The following TACR3 variants were observed in gnomAD, a reference collection of about 807,000 sequenced individuals.
TACR3 encodes neuromedin-K receptor.
In TACR3, 34 loss-of-function variants were observed where a neutral mutation model predicts 35.0. The ratio of observed to expected loss-of-function variants is 0.97; its 90% CI spans 0.74 to 1.30. TACR3 has a LOEUF of 1.30. TACR3 is among the 50% of genes most tolerant of loss of function. The probability of loss-of-function intolerance (pLI) is 0.00; values close to 1 mark genes in which losing one functional copy is unlikely to be tolerated. For missense variants in TACR3, 558 were observed against 591.7 expected (o/e 0.94, Z 0.59); for synonymous variants, 233 against 221.1 (o/e 1.05, Z -0.48).
At chr4:103,631,829 G>T (rs1043009310) in intron 3 of TACR3, among the ~76,000 whole-genome samples, 2 of 152,148 alleles carry the variant, frequency 1.3e-5, no homozygotes, top group Admixed American at 1.3e-4. Context: ...GGTGAGTAAA[G>T]CACTGCTCTT....
chr4:103,604,791 C>G (rs1724307995), intron 3 of TACR3, among the ~76,000 whole-genome samples: 1 of 147,914 alleles, frequency 6.8e-6, no homozygotes. Flanking sequence ...AAAGAAAGCT[C>G]ATCATCACTG....
At chr4:103,620,965 T>A (rs558931208) in intron 3 of TACR3, among the ~76,000 whole-genome samples, 18 of 152,364 alleles carry the variant, frequency 1.2e-4, no homozygotes, top group African/African-American at 4.3e-4. Context: ...TCTTGAATTA[T>A]GTACCTTGTG....
At chr4:103,623,356 A>AAGAT (rs1430421692) in intron 3 of TACR3, among the ~76,000 whole-genome samples, 4 of 152,128 alleles carry the variant, frequency 2.6e-5, no homozygotes, top group Non-Finnish European at 4.4e-5. Context: ...AAATCATGCA[A>AAGAT]AGATAGACAC....
chr4:103,713,454 ACACAC>A (rs1242729991), intron 1 of TACR3, among the ~76,000 whole-genome samples: 5 of 116,390 alleles, frequency 4.3e-5, no homozygotes, highest in Non-Finnish European at 8.2e-5. Context: ...GGGGAACATC[ACACAC>A]TGGGGCCTGT....
At chr4:103,613,492 T>TC (rs1316904579) in intron 3 of TACR3, among the ~76,000 whole-genome samples, 2 of 152,026 alleles carry the variant, frequency 1.3e-5, no homozygotes, top group African/African-American at 4.8e-5. Context: ...GCTAATTTTT[T>TC]TTTTTTTTGT....
intron 3 of TACR3, among the ~76,000 whole-genome samples, chr4:103,593,687 A>G (rs904622760): frequency 3.9e-5 from 6 of 152,104 alleles, no homozygotes; most frequent in African/African-American, 1.4e-4. Flanking sequence ...TCTTCTAACC[A>G]TGATTCCCAG....
At chr4:103,635,549 C>CGTCAATG (rs1725168689) in intron 3 of TACR3, among the ~76,000 whole-genome samples, 1 of 151,932 alleles carries the variant, frequency 6.6e-6, no homozygotes, top group African/African-American at 2.4e-5. Flanking sequence ...ACTTGCTTAA[C>CGTCAATG]GTCAATGGTG....
Position 103,589,118 on chromosome 4 carries a change from A to AATCTTTAC in TACR3, c.*556_*563dup, listed in dbSNP as rs1401801232. 2.6e-5 allele frequency: 4 copies of AATCTTTAC among 152,300 alleles called. No homozygotes were observed. The highest frequency in any genetic ancestry group is 9.6e-5 in the African/African-American group (4 of 41,464). 9.4% of individuals were successfully genotyped at this position (152,300 alleles called of 1,614,324 possible). ...CATGGAAGAAATCTTTAAATCTTTA[A>AATCTTTAC]ATCTTTACATTCTACAAAATGAGTT... On this transcript the variant is annotated 3_prime_UTR_variant, in exon 5 of 5. Transcript: ENST00000304883.
intron 4 of TACR3, 138 bp from the exon 5 acceptor site, chr4:103,590,132 TTA>T: frequency 1.0e-6 from 1 of 999,968 alleles, no homozygotes; most frequent in South Asian, 1.4e-5. Flanking sequence ...CTCTTAGAAT[TTA>T]TGTCACAGTA....
Position 103,591,600 on chromosome 4 carries a change from G to T in TACR3, c.972C>A (p.Ile324=), listed in dbSNP as rs1723898184. ...PYHIYFILTA[I]YQQLNRWKYI... is the part of the protein sequence containing the mutation. Reference sequence around the variant, plus strand: ...ATTTCCATCTATTTAGTTGTTGATAGATTGCAGTGAGAATGAAGTAAATAT... The same window carrying T: ...ATTTCCATCTATTTAGTTGTTGATATATTGCAGTGAGAATGAAGTAAATAT... Residue 324 remains isoleucine, a synonymous_variant, in exon 4 of 5, where the codon ATC becomes ATA. Transcript: ENST00000304883. 1 of 1,613,844 alleles carries T rather than the reference G, an allele frequency of 6.2e-7. No homozygotes were observed. The highest frequency in any genetic ancestry group is 8.5e-7 in the Non-Finnish European group (1 of 1,179,842).
intron 1 of TACR3, among the ~76,000 whole-genome samples, chr4:103,688,132 A>G (rs1329678143): frequency 6.6e-6 from 1 of 152,228 alleles, no homozygotes; most frequent in Admixed American, 6.5e-5. Context: ...AACTTGAGAA[A>G]AACAAGAAAT....
chr4:103,659,549 G>A (rs1393960408), intron 1 of TACR3, among the ~76,000 whole-genome samples: 4 of 152,156 alleles, frequency 2.6e-5, no homozygotes, highest in African/African-American at 7.2e-5. Flanking sequence ...AATCAAGTTC[G>A]ATTGAGGCTA....
chr4:103,642,958 T>C (rs1451043547), intron 3 of TACR3, among the ~76,000 whole-genome samples: 4 of 151,878 alleles, frequency 2.6e-5, no homozygotes, highest in Admixed American at 2.0e-4. Context: ...TATGTATCAA[T>C]ATGAAATTTC....
At chr4:103,649,314 G>C (rs749877651) in intron 3 of TACR3, among the ~76,000 whole-genome samples, 1 of 151,854 alleles carries the variant, frequency 6.6e-6, no homozygotes, top group African/African-American at 2.4e-5. Flanking sequence ...TGTCCATTTT[G>C]GTTTTGGTTG....
intron 3 of TACR3, among the ~76,000 whole-genome samples, chr4:103,630,639 T>C (rs1725036170): frequency 6.6e-6 from 1 of 151,812 alleles, no homozygotes; most frequent in Non-Finnish European, 1.5e-5. Flanking sequence ...AGATACCATC[T>C]CATGGCAGTT....
At position 103,600,230 on chromosome 4, in the gene TACR3, A is replaced by G. The variant is rs577383376; in HGVS notation, c.889-8547T>C. Among the ~76,000 whole-genome samples, 4 of 152,218 alleles carry G rather than the reference A, an allele frequency of 2.6e-5. No individual in the cohort carries two copies. In the South Asian group the frequency reaches 8.3e-4, roughly 32 times the overall value. On this transcript the variant is annotated intron_variant, in intron 3 of 4. Transcript: ENST00000304883. ...TTTATCCATTTCTTCTAGATTTTCT[A>G]GTTTATTTGCATAGAGGTATTTATA...
chr4:103,703,454 G>C (rs1017539124), intron 1 of TACR3, among the ~76,000 whole-genome samples: 4 of 152,090 alleles, frequency 2.6e-5, no homozygotes, highest in African/African-American at 9.7e-5. Context: ...TCAACATTCA[G>C]AGAAAATTCA....
At chr4:103,709,954 G>T (rs1028361688) in intron 1 of TACR3, among the ~76,000 whole-genome samples, 1 of 151,962 alleles carries the variant, frequency 6.6e-6, no homozygotes, top group Non-Finnish European at 1.5e-5. Flanking sequence ...AACAAGAAGA[G>T]CTAACTATCC....
chr4:103,684,379 G>A (rs59507345), intron 1 of TACR3, among the ~76,000 whole-genome samples: 23,071 of 151,982 alleles, frequency 0.15, 2,276 homozygotes, highest in East Asian at 0.43. Context: ...GCAGAATACA[G>A]GTTCAAGTGA....
Sources: gnomAD v4.1 joint callset for allele counts (sites outside exome capture counted in the v4.1 genomes callset) on GRCh38, gnomAD v4.1.1 for gene constraint, MANE v1.5 for transcripts, NCBI Gene and HGNC (gene_info 2026-07-23, HGNC 2026-07-21) for gene names.